TANC1: variants seen among roughly 807,000 people sequenced by gnomAD.
TANC1 encodes tetratricopeptide repeat, ankyrin repeat and coiled-coil containing 1.
In TANC1, 77 loss-of-function variants were observed where a neutral mutation model predicts 149.7. That is an observed-to-expected ratio of 0.51 (90% CI 0.43 to 0.62). The LOEUF (loss-of-function observed/expected upper bound fraction) is 0.62, where lower values mean the gene tolerates loss of function less well. Among genes scored for constraint, TANC1 ranks in the 20% least tolerant of loss-of-function variants. The probability of loss-of-function intolerance (pLI) is 0.00; values close to 1 mark genes in which losing one functional copy is unlikely to be tolerated. For synonymous variants in TANC1, 854 were observed against 925.0 expected, an observed-to-expected ratio of 0.92 and a Z score of 1.39; for missense variants, 1,985 against 2,321.8, an observed-to-expected ratio of 0.85 and a Z score of 2.98.
intron 2 of TANC1, among the ~76,000 whole-genome samples, chr2:159,057,715 G>A (rs1213637366): frequency 1.3e-5 from 2 of 152,176 alleles, no homozygotes; most frequent in African/African-American, 2.4e-5. Context: ...TTGCTGGGGT[G>A]GGGAGCAAGG....
chr2:158,980,187 G>A (rs1428452996), intron 1 of TANC1, among the ~76,000 whole-genome samples: 1 of 152,148 alleles, frequency 6.6e-6, no homozygotes, highest in Non-Finnish European at 1.5e-5. Context: ...TTTAACTACA[G>A]GACTTTTGAG....
chr2:159,230,614 A>C lies in TANC1; in HGVS notation c.5188A>C (p.Thr1730Pro). 2 of 1,614,194 alleles carry C rather than the reference A, an allele frequency of 1.2e-6. No homozygotes were observed. Among genetic ancestry groups the C allele is most frequent in the East Asian group, 4.5e-5 (2 of 44,880 alleles). Residue 1730 changes from threonine to proline, a missense_variant, in exon 27 of 27, where the codon ACT (threonine) becomes CCT (proline). Thr to Pro is a conservative substitution (Grantham distance 38). Coordinates refer to ENST00000263635, the MANE Select transcript of TANC1 (RefSeq NM_033394.3). The surrounding 1 kb of genome is among the most constrained non-coding windows in gnomAD (Gnocchi z 4.4). ...GCCGTTCATGGGCATCATGGATAAG[A>C]CTGCGAGGTTCCAACAGCAGAGCAA... ...NTPFMGIMDK[T>P]ARFQQQSNPP...
chr2:158,989,449 TAAA>T (rs899108145), intron 1 of TANC1, among the ~76,000 whole-genome samples: 3 of 145,164 alleles, frequency 2.1e-5, no homozygotes, highest in African/African-American at 7.6e-5. Context: ...TACTAAAAGT[TAAA>T]AAAAAAAATC....
At position 159,202,176 on chromosome 2, in the gene TANC1, C is replaced by T. The variant is rs566685759; in HGVS notation, c.3244+3123C>T. The stretch of plus-strand genomic sequence containing the variant: ...CCGTGGAGGTCCCCCTCACTCAGGC[C>T]GTCAGTGTGGTGGCACTGGGCACAG... On this transcript the variant is annotated intron_variant, in intron 19 of 26. Transcript: ENST00000263635. Among the ~76,000 whole-genome samples, 12 of 152,266 alleles carry T rather than the reference C, an allele frequency of 7.9e-5. No homozygotes were observed. The East Asian group carries it at 1.9e-3, about 25-fold the overall frequency.
At chr2:159,043,301 T>A (rs1294565308) in intron 2 of TANC1, among the ~76,000 whole-genome samples, 2 of 152,050 alleles carry the variant, frequency 1.3e-5, no homozygotes, top group African/African-American at 2.4e-5. Flanking sequence ...TCTATGGTCA[T>A]CTTCTTGGGA....
intron 18 of TANC1, 75 bp downstream of exon 18, chr2:159,196,868 C>T (rs2150721945): frequency 3.6e-6 from 5 of 1,394,026 alleles, no homozygotes; most frequent in Admixed American, 2.5e-5. Context: ...CACTGAAGGA[C>T]CGAAAGAAGG....
intron 2 of TANC1, among the ~76,000 whole-genome samples, chr2:159,013,512 A>C (rs528096781): frequency 6.6e-6 from 1 of 152,220 alleles, no homozygotes; most frequent in Non-Finnish European, 1.5e-5. Context: ...TAGCAGTGTG[A>C]TAATTTCACA....
At chr2:159,061,462 G>A (rs1407227740) in intron 2 of TANC1, among the ~76,000 whole-genome samples, 1 of 152,236 alleles carries the variant, frequency 6.6e-6, no homozygotes, top group African/African-American at 2.4e-5. Context: ...CAGAGGACAA[G>A]AAGAATCTGG....
At chr2:159,136,380 C>T in intron 5 of TANC1, 82 bp downstream of exon 5, 1 of 821,976 alleles carries the variant, frequency 1.2e-6, no homozygotes, top group Non-Finnish European at 2.1e-6. Context: ...ACTTGAGTGT[C>T]CTTGCAGTAC....
chr2:159,075,268 T>C (rs1167459967), intron 3 of TANC1, among the ~76,000 whole-genome samples: 1 of 152,102 alleles, frequency 6.6e-6, no homozygotes, highest in Non-Finnish European at 1.5e-5. Flanking sequence ...ATACTCAATG[T>C]ACAAAATTCG....
At chr2:159,128,038 A>T (rs1189717435) in intron 4 of TANC1, among the ~76,000 whole-genome samples, 1 of 152,354 alleles carries the variant, frequency 6.6e-6, no homozygotes, top group East Asian at 1.9e-4. Flanking sequence ...AAGGAGGCTT[A>T]TTAAGAGTGG....
intron 6 of TANC1, 70 bp from the exon 7 acceptor site, chr2:159,150,300 C>T (rs576684109): frequency 7.5e-7 from 1 of 1,335,810 alleles, no homozygotes; most frequent in Admixed American, 2.2e-5. Flanking sequence ...TGTTTTAGCA[C>T]AAAAACAAAA....
intron 22 of TANC1, among the ~76,000 whole-genome samples, chr2:159,224,001 G>A (rs1206263723): frequency 6.6e-6 from 1 of 152,222 alleles, no homozygotes; most frequent in Non-Finnish European, 1.5e-5. Flanking sequence ...GTGGTAGCGT[G>A]TCCCCTGCTT....
At chr2:159,193,565 G>A (rs763798300) in intron 16 of TANC1, among the ~76,000 whole-genome samples, 16 of 152,056 alleles carry the variant, frequency 1.1e-4, no homozygotes, top group African/African-American at 1.7e-4. Context: ...TCACTCTGTC[G>A]CCAGGCTGGA....
At chr2:159,155,356 G>T (rs1227929706) in intron 7 of TANC1, among the ~76,000 whole-genome samples, 1 of 152,218 alleles carries the variant, frequency 6.6e-6, no homozygotes, top group African/African-American at 2.4e-5. Context: ...GGGAGGGGCC[G>T]TTAAGTCAGT....
chr2:159,195,745 G>T (rs908012485), intron 17 of TANC1, among the ~76,000 whole-genome samples: 2 of 152,200 alleles, frequency 1.3e-5, no homozygotes, highest in East Asian at 1.9e-4. Flanking sequence ...ACGGATGGCA[G>T]CTGGGCTTTA....
rs553496295 is a variant in TANC1 at position 159,157,299 on chromosome 2, G to A, written c.683-5984G>A. On this transcript the variant is annotated intron_variant, in intron 7 of 26. Transcript: ENST00000263635. ...TGGCCGCAGGTGAACCAGGGACTTT[G>A]TTCTCTGTGGTTGGTTAGTTTGCAG... 2.0e-5 allele frequency among the ~76,000 whole-genome samples: 3 copies of A among 152,310 alleles called. No individual in the cohort carries two copies. In the South Asian group the frequency reaches 6.2e-4, roughly 32 times the overall value.
intron 16 of TANC1, 118 bp from the exon 17 acceptor site, chr2:159,194,139 A>G: frequency 1.3e-6 from 1 of 776,378 alleles, no homozygotes; most frequent in East Asian, 2.5e-5. Flanking sequence ...ACTGGTGCAC[A>G]TTCAAGTTTG....
chr2:158,982,153 G>A (rs1221186057), intron 1 of TANC1, among the ~76,000 whole-genome samples: 2 of 152,102 alleles, frequency 1.3e-5, no homozygotes, highest in East Asian at 3.9e-4. Context: ...ATGAATGGTA[G>A]CTGTCATAAG....
Sources: gnomAD v4.1 joint callset for allele counts (sites outside exome capture counted in the v4.1 genomes callset) on GRCh38, gnomAD v4.1.1 for gene constraint, Gnocchi (gnomAD v3.1) non-coding constraint, MANE v1.5 for transcripts, NCBI Gene and HGNC (gene_info 2026-07-23, HGNC 2026-07-21) for gene names.